SKAP1: variants seen among roughly 807,000 people sequenced by gnomAD.
The protein encoded by SKAP1 is src kinase-associated phosphoprotein 1.
A neutral mutation model predicts 58.5 loss-of-function variants in SKAP1; 44 were observed. That is an observed-to-expected ratio of 0.75 (90% CI 0.59 to 0.97). The LOEUF (loss-of-function observed/expected upper bound fraction) is 0.97, where lower values mean the gene tolerates loss of function less well. SKAP1 is among the 50% of genes least tolerant of loss of function. SKAP1 has a pLI of 0.00. For missense variants in SKAP1, 390 were observed against 435.2 expected (o/e 0.90, Z 0.92); for synonymous variants, 127 against 149.7 (o/e 0.85, Z 1.11).
intron 11 of SKAP1, among the ~76,000 whole-genome samples, chr17:48,148,504 C>T (rs2063859563): frequency 6.6e-6 from 1 of 152,196 alleles, no homozygotes; most frequent in African/African-American, 2.4e-5. Context: ...CTCTGCACCG[C>T]TCTGTTTTGC....
intron 9 of SKAP1, among the ~76,000 whole-genome samples, chr17:48,177,793 A>G (rs923234470): frequency 6.6e-6 from 1 of 152,090 alleles, no homozygotes; most frequent in African/African-American, 2.4e-5. Flanking sequence ...CCCACCTCCA[A>G]CTCTGACTCT....
At chr17:48,250,272 GTTTTTTTTTTT>G (rs755523173) in intron 4 of SKAP1, among the ~76,000 whole-genome samples, 2 of 74,036 alleles carry the variant, frequency 2.7e-5, no homozygotes, top group Non-Finnish European at 5.3e-5. Flanking sequence ...GCCATAGACA[GTTTTTTTTTTT>G]TTTTTTTTTT....
intron 3 of SKAP1, among the ~76,000 whole-genome samples, chr17:48,359,926 A>T (rs1180255800): frequency 3.9e-5 from 6 of 152,206 alleles, no homozygotes; most frequent in African/African-American, 1.4e-4. Flanking sequence ...ATTATTAGGC[A>T]TCGATTTACT....
chr17:48,162,577 A>G lies in SKAP1; in HGVS notation c.878-8T>C. 1.9e-6 allele frequency: 3 copies of G among 1,599,926 alleles called. No individual in the cohort carries two copies. Among genetic ancestry groups the G allele is most frequent in the African/African-American group, 1.3e-5 (1 of 74,608 alleles). The stretch of plus-strand genomic sequence containing the variant: ...AGTAACTGGCATAGTCTACTGATCA[A>G]AGAGAGGAGAAATCAAAGTTAAAAG... On this transcript the variant is annotated splice_region_variant and splice_polypyrimidine_tract_variant and intron_variant, in intron 10 of 12. Coordinates refer to ENST00000336915, the MANE Select transcript of SKAP1 (RefSeq NM_003726.4).
intron 4 of SKAP1, among the ~76,000 whole-genome samples, chr17:48,280,290 T>A (rs1598504715): frequency 6.6e-6 from 1 of 152,016 alleles, no homozygotes; most frequent in Non-Finnish European, 1.5e-5. Flanking sequence ...TACAACATGG[T>A]GAAACGCCGT....
At chr17:48,218,547 G>C (rs1255576502) in intron 4 of SKAP1, among the ~76,000 whole-genome samples, 1 of 152,224 alleles carries the variant, frequency 6.6e-6, no homozygotes, top group Non-Finnish European at 1.5e-5. Context: ...GGTTGTTCTA[G>C]TGAATTCTAA....
chr17:48,439,705 T>C, the SKAP1 span, among the ~76,000 whole-genome samples: 23 of 152,158 alleles, frequency 1.5e-4, no homozygotes, highest in African/African-American at 5.3e-4. Context: ...ATGTGCAAAA[T>C]AGAAACCACC....
At chr17:48,336,778 T>C (rs979738391) in intron 4 of SKAP1, among the ~76,000 whole-genome samples, 2 of 152,164 alleles carry the variant, frequency 1.3e-5, no homozygotes, top group African/African-American at 4.8e-5. Flanking sequence ...TTTTTTCCCC[T>C]AAGCTCTGAC....
intron 4 of SKAP1, among the ~76,000 whole-genome samples, chr17:48,331,182 T>A (rs927577690): frequency 1.3e-5 from 2 of 152,202 alleles, no homozygotes; most frequent in Admixed American, 6.5e-5. Flanking sequence ...TGATGCCGAT[T>A]GTTTTAGCTA....
rs147140528 is a variant in SKAP1 at position 48,251,525 on chromosome 17, T to C, written c.281-62025A>G. ...AAAAGAACTTTAATACAGAGAAACT[T>C]GGCCTGGAAATGAATTGCTGTATTC... is the stretch of plus-strand genomic sequence containing the variant. On this transcript the variant is annotated intron_variant, in intron 4 of 12. Transcript: ENST00000336915. Among the ~76,000 whole-genome samples, 59 of 152,344 alleles carry C rather than the reference T, an allele frequency of 3.9e-4. No homozygotes were observed. The East Asian group carries it at 8.7e-3, about 22-fold the overall frequency.
At chr17:48,152,971 G>A (rs1043247056) in intron 11 of SKAP1, among the ~76,000 whole-genome samples, 2 of 151,988 alleles carry the variant, frequency 1.3e-5, no homozygotes, top group African/African-American at 4.8e-5. Context: ...TCTGGGCTTC[G>A]TAGTTAATTA....
In SKAP1 at chr17:48,308,641, C is replaced by T. The variant is rs548833347; in HGVS notation, c.280+37264G>A. Reference sequence around the variant, plus strand: ...CTGAAATAGGCATAGAAAGACAAATCATTCATCCAATTACATGGAAGGTCT... The same window carrying T: ...CTGAAATAGGCATAGAAAGACAAATTATTCATCCAATTACATGGAAGGTCT... On this transcript the variant is annotated intron_variant, in intron 4 of 12. Coordinates refer to ENST00000336915, the MANE Select transcript of SKAP1 (RefSeq NM_003726.4). 24 of 152,258 alleles carry T rather than the reference C, an allele frequency of 1.6e-4. No homozygotes were observed. The South Asian group carries it at 1.7e-3, about 11-fold the overall frequency. 9.4% of individuals were successfully genotyped at this position (152,258 alleles called of 1,614,324 possible).
At chr17:48,216,565 C>T (rs2064941921) in intron 4 of SKAP1, among the ~76,000 whole-genome samples, 1 of 151,798 alleles carries the variant, frequency 6.6e-6, no homozygotes, top group Middle Eastern at 3.4e-3. Context: ...AATCTCAGCT[C>T]ACTGAAACCT....
intron 4 of SKAP1, among the ~76,000 whole-genome samples, chr17:48,292,489 G>GA (rs570129272): frequency 0.018 from 2,702 of 152,076 alleles, 40 homozygotes; most frequent in Non-Finnish European, 0.028. Flanking sequence ...ACAATAAAAA[G>GA]AAAAAATACA....
intron 4 of SKAP1, among the ~76,000 whole-genome samples, chr17:48,330,266 GA>G (rs1280320584): frequency 3.3e-5 from 5 of 151,972 alleles, no homozygotes; most frequent in Non-Finnish European, 7.4e-5. Flanking sequence ...TTTTATATGA[GA>G]GGGGAAAAAA....
intron 4 of SKAP1, among the ~76,000 whole-genome samples, chr17:48,315,755 A>G (rs1006284254): frequency 2.0e-5 from 3 of 152,202 alleles, no homozygotes; most frequent in African/African-American, 7.2e-5. Context: ...GGAAACTTCT[A>G]CTCATAAGTA....
At position 48,408,138 on chromosome 17, in the gene SKAP1, C is replaced by T. The variant is rs749500506; in HGVS notation, c.47-11353G>A. 6.4e-4 allele frequency among the ~76,000 whole-genome samples: 97 copies of T among 151,940 alleles called. 1 individual carries two copies. Among genetic ancestry groups the T allele is most frequent in the Non-Finnish European group, 1.3e-3 (86 of 67,980 alleles). ...ATATATAATTTAAGTTTTGTGATAA[C>T]AAGAATCATTTTATCTCTTTAAAAA... On this transcript the variant is annotated intron_variant, in intron 1 of 12. Coordinates refer to ENST00000336915, the MANE Select transcript of SKAP1 (RefSeq NM_003726.4).
chr17:48,402,453 C>G (rs748685463), intron 1 of SKAP1, among the ~76,000 whole-genome samples: 1 of 152,138 alleles, frequency 6.6e-6, no homozygotes, highest in Non-Finnish European at 1.5e-5. Flanking sequence ...CCTCAGCCCC[C>G]CAAGTAGCTG....
chr17:48,342,537 T>C (rs1301660596), intron 4 of SKAP1, among the ~76,000 whole-genome samples: 1 of 152,042 alleles, frequency 6.6e-6, no homozygotes, highest in Non-Finnish European at 1.5e-5. Flanking sequence ...CTAAACACAA[T>C]ATGCAGCATG....
Sources: allele counts gnomAD v4.1 joint callset (sites outside exome capture counted in the v4.1 genomes callset), GRCh38; gene constraint gnomAD v4.1.1; transcripts MANE v1.5; gene names NCBI Gene and HGNC (gene_info 2026-07-23, HGNC 2026-07-21).